The following PTPRD variants were observed in gnomAD, a reference collection of about 807,000 sequenced individuals.
PTPRD encodes the protein receptor-type tyrosine-protein phosphatase delta.
A neutral mutation model predicts 214.5 loss-of-function variants in PTPRD; 34 were observed. The observed-to-expected ratio is 0.16, with a 90% CI of 0.12 to 0.21. PTPRD has a LOEUF of 0.21. Ranked by LOEUF, PTPRD falls within the 10% of genes least tolerant of loss-of-function variation. PTPRD has a pLI of 1.00. For synonymous variants in PTPRD, 1,128 were observed against 845.7 expected, an observed-to-expected ratio of 1.33 and a Z score of -5.79; for missense variants, 2,545 against 2,398.7, an observed-to-expected ratio of 1.06 and a Z score of -1.27.
At chr9:9,517,264 A>G (rs2096861024) in intron 8 of PTPRD, among the ~76,000 whole-genome samples, 1 of 152,116 alleles carries the variant, frequency 6.6e-6, no homozygotes, top group Non-Finnish European at 1.5e-5. Context: ...ACAAGAGACA[A>G]TAAAATATGA....
intron 3 of PTPRD, among the ~76,000 whole-genome samples, chr9:10,327,158 CAT>C (rs1160784838): frequency 7.8e-5 from 9 of 115,182 alleles, no homozygotes; most frequent in South Asian, 3.1e-4. Context: ...CATTTGTGCA[CAT>C]ATATGTGTGT....
chr9:9,923,002 T>C (rs1250869732), intron 5 of PTPRD, among the ~76,000 whole-genome samples: 2 of 152,006 alleles, frequency 1.3e-5, no homozygotes, highest in South Asian at 2.1e-4. Context: ...TGAATCTTAC[T>C]ACCATACTGT....
In PTPRD at chr9:10,203,245, C is replaced by T. The variant is rs867787915; in HGVS notation, c.-545+137718G>A. Among the ~76,000 whole-genome samples the T allele has an allele frequency of 2.9e-4, 44 of 149,780 alleles. 1 individual carries two copies. Among genetic ancestry groups the T allele is most frequent in the African/African-American group, 1.0e-3 (42 of 40,586 alleles). Reference sequence around the variant, plus strand: ...TCATGTGTTATTGGTTTTTACCTGACGGCTTGGTGGCTAGCACACAGGAAG... The same window carrying T: ...TCATGTGTTATTGGTTTTTACCTGATGGCTTGGTGGCTAGCACACAGGAAG... On this transcript the variant is annotated intron_variant, in intron 3 of 45. Transcript: ENST00000381196.
Position 8,332,059 on chromosome 9 carries a change from G to A in PTPRD, c.5380-323C>T, listed in dbSNP as rs1438387394. 5.7e-4 allele frequency among the ~76,000 whole-genome samples: 87 copies of A among 152,062 alleles called. 1 individual carries two copies. ...CAAATGTTTCTGAGACCCAAAGTGGGGGTTCGTAACCATTCATCATGTCTG... is the reference window on the plus strand; with the variant it reads ...CAAATGTTTCTGAGACCCAAAGTGGAGGTTCGTAACCATTCATCATGTCTG... On this transcript the variant is annotated intron_variant, in intron 43 of 45. Transcript: ENST00000381196.
chr9:9,836,846 T>A (rs1301012738), intron 5 of PTPRD, among the ~76,000 whole-genome samples: 2 of 152,238 alleles, frequency 1.3e-5, no homozygotes, highest in Middle Eastern at 3.4e-3. Context: ...GCAAATACCA[T>A]GTAATGGTTC....
At chr9:10,016,966 T>C (rs1160491658) in intron 4 of PTPRD, among the ~76,000 whole-genome samples, 1 of 152,150 alleles carries the variant, frequency 6.6e-6, no homozygotes, top group Non-Finnish European at 1.5e-5. Flanking sequence ...TGCCCTCCTA[T>C]TGTACATTTG....
intron 3 of PTPRD, among the ~76,000 whole-genome samples, chr9:10,191,855 T>C (rs2099364958): frequency 6.6e-6 from 1 of 152,218 alleles, no homozygotes; most frequent in African/African-American, 2.4e-5. Flanking sequence ...TCTATATGAC[T>C]TCGTCAAAAC....
chr9:9,083,119 G>C (rs1405554844), intron 10 of PTPRD, among the ~76,000 whole-genome samples: 5 of 152,136 alleles, frequency 3.3e-5, no homozygotes, highest in African/African-American at 1.2e-4. Flanking sequence ...AAAGAACAAA[G>C]CCGGAGGCAT....
At position 10,354,647 on chromosome 9, in the gene PTPRD, T is replaced by C. The variant is rs1174144600; in HGVS notation, c.-599-13630A>G. 2.6e-5 allele frequency among the ~76,000 whole-genome samples: 4 copies of C among 152,208 alleles called. No homozygotes were observed. The East Asian group carries it at 7.7e-4, about 29-fold the overall frequency. On this transcript the variant is annotated intron_variant, in intron 2 of 45. Coordinates refer to ENST00000381196, the MANE Select transcript of PTPRD (RefSeq NM_002839.4). The stretch of plus-strand genomic sequence containing the variant: ...CTATTCAGTTTGTATTAAGAACTTG[T>C]TTTAAAATACCTTATCTGTCATATT...
At chr9:10,545,240 C>T (rs2059937071) in intron 2 of PTPRD, among the ~76,000 whole-genome samples, 1 of 152,130 alleles carries the variant, frequency 6.6e-6, no homozygotes. Context: ...TCAAAAGGTA[C>T]TGATGGAAGA....
At chr9:9,404,850 A>C (rs751742879) in intron 8 of PTPRD, among the ~76,000 whole-genome samples, 9 of 152,066 alleles carry the variant, frequency 5.9e-5, no homozygotes, top group Non-Finnish European at 1.3e-4. Context: ...GACATGTTGC[A>C]ACAAAATTAT....
chr9:10,509,717 G>C (rs950444304), intron 2 of PTPRD, among the ~76,000 whole-genome samples: 1 of 151,154 alleles, frequency 6.6e-6, no homozygotes, highest in African/African-American at 2.4e-5. Flanking sequence ...CTGGTTCCAT[G>C]ATACAGAGGA....
intron 10 of PTPRD, among the ~76,000 whole-genome samples, chr9:9,107,653 A>C (rs324545): frequency 6.6e-6 from 1 of 151,956 alleles, no homozygotes; most frequent in African/African-American, 2.4e-5. Context: ...TTATATATGG[A>C]CTTACTTGTC....
At chr9:8,723,212 C>T (rs2098520807) in intron 12 of PTPRD, among the ~76,000 whole-genome samples, 1 of 152,090 alleles carries the variant, frequency 6.6e-6, no homozygotes, top group African/African-American at 2.4e-5. Context: ...GGTCTTTACA[C>T]TCATTCCCCC....
At chr9:8,509,726 C>T (rs1295997806) in intron 21 of PTPRD, among the ~76,000 whole-genome samples, 1 of 152,144 alleles carries the variant, frequency 6.6e-6, no homozygotes, top group Admixed American at 6.5e-5. Context: ...ATATTTCATT[C>T]TTGTTTAGTG....
At chr9:10,151,877 G>C (rs1354809611) in intron 3 of PTPRD, among the ~76,000 whole-genome samples, 1 of 152,130 alleles carries the variant, frequency 6.6e-6, no homozygotes, top group Non-Finnish European at 1.5e-5. Context: ...TGAAATCTAT[G>C]TTGTGTGTAT....
At chr9:8,482,214 A>T (rs1483028054) in intron 30 of PTPRD, among the ~76,000 whole-genome samples, 4 of 152,254 alleles carry the variant, frequency 2.6e-5, no homozygotes, top group Middle Eastern at 3.4e-3. Context: ...ACCATCATTC[A>T]TTGTCATCCA....
chr9:8,748,535 A>AAAAAAAAAAAAAAAAAAAAAAAC (rs2093134268), intron 11 of PTPRD, among the ~76,000 whole-genome samples: 1 of 122,300 alleles, frequency 8.2e-6, no homozygotes, highest in Non-Finnish European at 1.6e-5. Flanking sequence ...AAAAAAAAAA[A>AAAAAAAAAAAAAAAAAAAAAAAC]AAAAAGAAAA....
chr9:9,511,332 A>G (rs2154244492), intron 8 of PTPRD, among the ~76,000 whole-genome samples: 1 of 151,898 alleles, frequency 6.6e-6, no homozygotes, highest in East Asian at 1.9e-4. Context: ...TGAAAGAAGA[A>G]TCTGGTAGCT....
Sources: allele counts gnomAD v4.1 joint callset (sites outside exome capture counted in the v4.1 genomes callset), GRCh38; gene constraint gnomAD v4.1.1; transcripts MANE v1.5; gene names NCBI Gene and HGNC (gene_info 2026-07-23, HGNC 2026-07-21).